MPHOSPH8: variants seen among roughly 807,000 people sequenced by gnomAD.
MPHOSPH8 encodes M-phase phosphoprotein 8.
Under a neutral mutation model 87.3 loss-of-function variants are expected in MPHOSPH8, and 45 were observed. The ratio of observed to expected loss-of-function variants is 0.52; its 90% CI spans 0.41 to 0.66. MPHOSPH8 has a LOEUF of 0.66. Ranked by LOEUF, MPHOSPH8 falls within the 30% of genes least tolerant of loss-of-function variation. The pLI, the probability that MPHOSPH8 is intolerant of heterozygous loss-of-function variation, is 0.00. For missense variants in MPHOSPH8, 883 were observed against 1,020.2 expected, an observed-to-expected ratio of 0.87 and a Z score of 1.83; for synonymous variants, 366 against 376.9, an observed-to-expected ratio of 0.97 and a Z score of 0.33.
intron 1 of MPHOSPH8, among the ~76,000 whole-genome samples, chr13:19,634,762 G>GT (rs1873903885): frequency 6.6e-6 from 1 of 152,112 alleles, no homozygotes; most frequent in Non-Finnish European, 1.5e-5. Context: ...TGCTATATGT[G>GT]GTCTCCTTTA....
Position 19,661,791 on chromosome 13 carries a change from G to A in MPHOSPH8, c.1885G>A (p.Gly629Ser), listed in dbSNP as rs776191160. ...LLITKGAKVNGRQKNGTTALI... is the reference protein window; with the variant it reads ...LLITKGAKVNSRQKNGTTALI... ...CATCACAAAAGGCGCGAAAGTGAAC[G>A]GTCGGCAGAAGAACGGGACCACCGC... The change falls in exon 8 of 14, where the codon GGT becomes AGT. Residue 629 changes from glycine (G) to serine (S), a missense_variant. Physicochemically the swap from Gly to Ser is moderately conservative, Grantham distance 56. This residue lies in a region of MPHOSPH8 where 741 missense variants were observed against 841.5 expected (regional missense o/e 0.88). Transcript: ENST00000361479. The A allele has an allele frequency of 6.8e-6, 11 of 1,613,176 alleles. No individual in the cohort carries two copies. Among genetic ancestry groups the A allele is most frequent in the Admixed American group, 3.3e-5 (2 of 59,892 alleles).
At chr13:19,652,472 G>C (rs764815961) in intron 5 of MPHOSPH8, among the ~76,000 whole-genome samples, 90 of 152,182 alleles carry the variant, frequency 5.9e-4, no homozygotes, top group Middle Eastern at 3.2e-3. Flanking sequence ...ATGCCGCCAG[G>C]GCCCTGGATT....
intron 7 of MPHOSPH8, among the ~76,000 whole-genome samples, chr13:19,660,020 G>T (rs1875433188): frequency 6.8e-6 from 1 of 146,784 alleles, no homozygotes; most frequent in South Asian, 2.1e-4. Context: ...GGAGTGCAGT[G>T]GTGTGATCTC....
At chr13:19,655,756 A>T (rs887945831) in intron 5 of MPHOSPH8, among the ~76,000 whole-genome samples, 8 of 152,168 alleles carry the variant, frequency 5.3e-5, no homozygotes, top group Middle Eastern at 3.2e-3. Flanking sequence ...CATTATACTA[A>T]GGTCTACTCA....
At chr13:19,647,385 T>A in intron 3 of MPHOSPH8, 94 bp downstream of exon 3, 7 of 1,076,322 alleles carry the variant, frequency 6.5e-6, no homozygotes, top group Non-Finnish European at 5.2e-6. Flanking sequence ...TAAGAAAGTG[T>A]TTATGACCAT....
intron 5 of MPHOSPH8, among the ~76,000 whole-genome samples, chr13:19,651,563 G>A (rs1484648783): frequency 6.6e-6 from 1 of 151,950 alleles, no homozygotes; most frequent in Non-Finnish European, 1.5e-5. Context: ...AGGCATGGTG[G>A]CATGTGCCTA....
At chr13:19,642,976 GCAAT>G (rs1874377115) in intron 2 of MPHOSPH8, among the ~76,000 whole-genome samples, 1 of 152,152 alleles carries the variant, frequency 6.6e-6, no homozygotes, top group African/African-American at 2.4e-5. Context: ...AGTAAGTGAA[GCAAT>G]CACTTAGTAA....
At chr13:19,665,027 G>T (rs934164250) in intron 9 of MPHOSPH8, among the ~76,000 whole-genome samples, 1 of 152,082 alleles carries the variant, frequency 6.6e-6, no homozygotes, top group Admixed American at 6.6e-5. Context: ...GAAGGCAGGC[G>T]GGAGTGCCCC....
In MPHOSPH8 at chr13:19,659,835, A is replaced by G. The variant is rs370665165; in HGVS notation, c.1791+546A>G. Among the ~76,000 whole-genome samples the G allele has an allele frequency of 1.2e-3, 177 of 151,978 alleles. 3 individuals carry two copies. Among genetic ancestry groups the G allele is most frequent in the African/African-American group, 4.1e-3 (171 of 41,410 alleles). ...TGTGGTTTACCCTCTGCCACTCTTG[A>G]GAGCGTAGAGTGAGACCATTTTCCT... On this transcript the variant is annotated intron_variant, in intron 7 of 13. Coordinates refer to ENST00000361479, the MANE Select transcript of MPHOSPH8 (RefSeq NM_017520.4).
At position 19,633,709 on chromosome 13, in the gene MPHOSPH8, T is replaced by A. The variant is rs192369699; in HGVS notation, c.-40T>A. The A allele has an allele frequency of 6.4e-7, 1 of 1,553,792 alleles. No homozygotes were observed. Among genetic ancestry groups the A allele is most frequent in the Non-Finnish European group, 8.7e-7 (1 of 1,147,732 alleles). On this transcript the variant is annotated 5_prime_UTR_variant, in exon 1 of 14. Transcript: ENST00000361479. ...ACGCGAGGGGCTGCTGGGGTGTTTG[T>A]CGCAGCGGGTTTTCCTCGGCGGTTT...
chr13:19,635,736 A>G (rs1252680595), intron 1 of MPHOSPH8, among the ~76,000 whole-genome samples: 1 of 152,142 alleles, frequency 6.6e-6, no homozygotes, highest in Non-Finnish European at 1.5e-5. Context: ...AAGTTCTTGC[A>G]TTTTTAGGTG....
At chr13:19,654,492 A>G (rs1295079892) in intron 5 of MPHOSPH8, among the ~76,000 whole-genome samples, 1 of 152,200 alleles carries the variant, frequency 6.6e-6, no homozygotes, top group Non-Finnish European at 1.5e-5. Flanking sequence ...AGAACGTGGA[A>G]TAATAAAAAC....
chr13:19,643,886 C>T (rs1361921393), intron 2 of MPHOSPH8, among the ~76,000 whole-genome samples: 1 of 152,124 alleles, frequency 6.6e-6, no homozygotes, highest in East Asian at 1.9e-4. Flanking sequence ...CCACAGAGAC[C>T]TACGTGTTCT....
chr13:19,660,736 G>C (rs1875479834), intron 7 of MPHOSPH8, among the ~76,000 whole-genome samples: 1 of 151,906 alleles, frequency 6.6e-6, no homozygotes, highest in East Asian at 1.9e-4. Context: ...TTTACATTTT[G>C]TTTTCTAACT....
chr13:19,655,087 T>C (rs1875079983), intron 5 of MPHOSPH8, among the ~76,000 whole-genome samples: 1 of 152,146 alleles, frequency 6.6e-6, no homozygotes, highest in Non-Finnish European at 1.5e-5. Context: ...CTACAAATTG[T>C]AAAGGAGAAA....
chr13:19,648,087 G>T (rs942304223), intron 3 of MPHOSPH8, among the ~76,000 whole-genome samples: 1 of 151,760 alleles, frequency 6.6e-6, no homozygotes, highest in Non-Finnish European at 1.5e-5. Flanking sequence ...GGACCAGAAG[G>T]GGGAACATGG....
intron 5 of MPHOSPH8, among the ~76,000 whole-genome samples, chr13:19,656,591 C>G (rs967580370): frequency 4.0e-5 from 6 of 151,876 alleles, no homozygotes; most frequent in Non-Finnish European, 7.4e-5. Flanking sequence ...GAAACCCCGT[C>G]TCTACTAAAA....
At chr13:19,657,870 C>CA (rs1477905269) in intron 5 of MPHOSPH8, among the ~76,000 whole-genome samples, 1 of 152,188 alleles carries the variant, frequency 6.6e-6, no homozygotes, top group Non-Finnish European at 1.5e-5. Context: ...ATGGGGGACT[C>CA]AGACACCTGA....
chr13:19,669,192 T>G (rs1875984344), intron 11 of MPHOSPH8, among the ~76,000 whole-genome samples: 1 of 152,300 alleles, frequency 6.6e-6, no homozygotes, highest in East Asian at 1.9e-4. Context: ...AGGTGGTTGC[T>G]GTTGTTTTGA....
Sources: allele counts gnomAD v4.1 joint callset (sites outside exome capture counted in the v4.1 genomes callset), GRCh38; gene constraint gnomAD v4.1.1; regional missense constraint gnomAD v4.1.1; transcripts MANE v1.5; gene names NCBI Gene and HGNC (gene_info 2026-07-23, HGNC 2026-07-21).